The following FHIT variants were observed in gnomAD, a reference collection of about 807,000 sequenced individuals.
The protein encoded by FHIT is bis(5'-adenosyl)-triphosphatase.
In FHIT, 19 loss-of-function variants were observed where a neutral mutation model predicts 17.9. That is an observed-to-expected ratio of 1.06 (90% CI 0.74 to 1.56). The LOEUF (loss-of-function observed/expected upper bound fraction) is 1.56. FHIT is among the 40% of genes most tolerant of loss of function. The pLI is 0.00. For missense variants in FHIT, 248 were observed against 189.2 expected, an observed-to-expected ratio of 1.31 and a Z score of -1.82; for synonymous variants, 81 against 69.7, an observed-to-expected ratio of 1.16 and a Z score of -0.81.
At chr3:59,860,341 A>G (rs12487204) in intron 8 of FHIT, among the ~76,000 whole-genome samples, 62,156 of 152,026 alleles carry the variant, frequency 0.41, 15,087 homozygotes, top group Admixed American at 0.53. Flanking sequence ...AAAGAAGGAG[A>G]GAAGGGTGAC....
At chr3:60,945,380 TG>T (rs1275848945) in intron 3 of FHIT, among the ~76,000 whole-genome samples, 1 of 150,962 alleles carries the variant, frequency 6.6e-6, no homozygotes, top group African/African-American at 2.4e-5. Flanking sequence ...CTAAGGATGA[TG>T]GGGAGTTACT....
chr3:60,902,335 C>A (rs1706160771), intron 3 of FHIT, among the ~76,000 whole-genome samples: 1 of 152,068 alleles, frequency 6.6e-6, no homozygotes, highest in Non-Finnish European at 1.5e-5. Context: ...TAATTTATGC[C>A]TTTTTATTGC....
chr3:60,688,792 C>T (rs375967386), intron 4 of FHIT, among the ~76,000 whole-genome samples: 2 of 152,112 alleles, frequency 1.3e-5, no homozygotes, highest in East Asian at 1.9e-4. Context: ...TTTTTATTGC[C>T]GTAAATGATA....
chr3:59,873,404 C>G (rs1703009299), intron 8 of FHIT, among the ~76,000 whole-genome samples: 1 of 152,194 alleles, frequency 6.6e-6, no homozygotes, highest in East Asian at 1.9e-4. Context: ...TCTAACAAAA[C>G]ACTTCCCTGC....
chr3:60,930,179 C>T (rs531414564), intron 3 of FHIT, among the ~76,000 whole-genome samples: 18 of 152,108 alleles, frequency 1.2e-4, no homozygotes, highest in East Asian at 5.8e-4. Flanking sequence ...AAAGCTGAAA[C>T]TGGATCCCTT....
chr3:60,499,358 G>C (rs1407820566), intron 5 of FHIT, among the ~76,000 whole-genome samples: 1 of 152,050 alleles, frequency 6.6e-6, no homozygotes, highest in Non-Finnish European at 1.5e-5. Flanking sequence ...CAGACTCCTA[G>C]CATCTTCCCA....
intron 3 of FHIT, among the ~76,000 whole-genome samples, chr3:61,021,045 G>A (rs1050006135): frequency 1.3e-5 from 2 of 152,190 alleles, no homozygotes; most frequent in Admixed American, 6.5e-5. Context: ...AGTTCTTAGA[G>A]ACCTACAAAG....
chr3:60,950,727 T>G (rs1158351410), intron 3 of FHIT, among the ~76,000 whole-genome samples: 1 of 151,982 alleles, frequency 6.6e-6, no homozygotes, highest in Non-Finnish European at 1.5e-5. Context: ...TTCACCATGT[T>G]GGCCAGGCTG....
At chr3:59,811,405 C>T (rs1386889435) in intron 8 of FHIT, among the ~76,000 whole-genome samples, 1 of 151,990 alleles carries the variant, frequency 6.6e-6, no homozygotes, top group African/African-American at 2.4e-5. Context: ...ATCCTGCATG[C>T]CCAGACAGAA....
chr3:60,309,607 T>A (rs188753203), intron 5 of FHIT, among the ~76,000 whole-genome samples: 2 of 152,280 alleles, frequency 1.3e-5, no homozygotes, highest in African/African-American at 4.8e-5. Flanking sequence ...AAACTCCAAA[T>A]TGAGGCTTTT....
intron 8 of FHIT, 54 bp downstream of exon 8, chr3:59,922,292 A>C: frequency 7.2e-7 from 1 of 1,383,188 alleles, no homozygotes; most frequent in Non-Finnish European, 1.0e-6. Context: ...GGTTGATGTC[A>C]TCCCACCGAC....
At chr3:60,345,516 G>A (rs181567932) in intron 5 of FHIT, among the ~76,000 whole-genome samples, 19 of 152,318 alleles carry the variant, frequency 1.2e-4, no homozygotes, top group African/African-American at 3.8e-4. Context: ...CACAGAGAAT[G>A]GATAAATTAT....
chr3:60,466,926 T>A (rs749634973), intron 5 of FHIT, among the ~76,000 whole-genome samples: 1 of 151,842 alleles, frequency 6.6e-6, no homozygotes, highest in African/African-American at 2.4e-5. Context: ...ATCAGTTTTA[T>A]GAAACAGTTT....
chr3:59,808,457 C>T (rs1477019920), intron 8 of FHIT, among the ~76,000 whole-genome samples: 1 of 152,194 alleles, frequency 6.6e-6, no homozygotes, highest in Middle Eastern at 3.2e-3. Flanking sequence ...AACCCCACCT[C>T]TGCCAGTGAT....
chr3:60,679,904 A>G (rs1446606152), intron 4 of FHIT, among the ~76,000 whole-genome samples: 2 of 152,130 alleles, frequency 1.3e-5, no homozygotes, highest in Non-Finnish European at 2.9e-5. Context: ...TACTCAACAT[A>G]TATTTATAGT....
intron 5 of FHIT, among the ~76,000 whole-genome samples, chr3:60,167,092 A>G (rs1291290962): frequency 1.3e-5 from 2 of 152,108 alleles, no homozygotes; most frequent in Non-Finnish European, 2.9e-5. Context: ...CTTTCATCAG[A>G]TTTCTGCTCA....
intron 8 of FHIT, among the ~76,000 whole-genome samples, chr3:59,760,797 C>T (rs1435965200): frequency 1.3e-5 from 2 of 151,976 alleles, no homozygotes; most frequent in Admixed American, 6.6e-5. Context: ...ATCTGCAACA[C>T]TGCTCCCTGA....
chr3:60,622,128 C>A (rs1383088694), intron 4 of FHIT, among the ~76,000 whole-genome samples: 1 of 152,076 alleles, frequency 6.6e-6, no homozygotes, highest in Non-Finnish European at 1.5e-5. Context: ...GTGATGGAGT[C>A]AAGATTGAAA....
At chr3:60,269,852 G>A (rs1164325667) in intron 5 of FHIT, among the ~76,000 whole-genome samples, 1 of 152,166 alleles carries the variant, frequency 6.6e-6, no homozygotes, top group African/African-American at 2.4e-5. Flanking sequence ...TTAAAAAACT[G>A]CCATTTCGGT....
Sources: gnomAD v4.1 joint callset for allele counts (sites outside exome capture counted in the v4.1 genomes callset) on GRCh38, gnomAD v4.1.1 for gene constraint, MANE v1.5 for transcripts, NCBI Gene and HGNC (gene_info 2026-07-23, HGNC 2026-07-21) for gene names.